Variants in SESTD1 observed in about 807,000 individuals in gnomAD.
SESTD1 encodes SEC14 domain and spectrin repeat-containing protein 1.
Under a neutral mutation model 101.7 loss-of-function variants are expected in SESTD1, and 43 were observed. That is an observed-to-expected ratio of 0.42 (90% CI 0.33 to 0.55). The LOEUF is 0.55. Among genes scored for constraint, SESTD1 ranks in the 20% least tolerant of loss-of-function variants. The probability of loss-of-function intolerance (pLI) is 0.07; values close to 1 mark genes in which losing one functional copy is unlikely to be tolerated. For synonymous variants in SESTD1, 283 were observed against 286.8 expected (o/e 0.99, Z 0.13); for missense variants, 647 against 815.1 (o/e 0.79, Z 2.51).
intron 16 of SESTD1, 142 bp downstream of exon 16, chr2:179,114,923 A>T: frequency 1.4e-6 from 1 of 722,268 alleles, no homozygotes; most frequent in Non-Finnish European, 2.2e-6. Flanking sequence ...GCAATGTATT[A>T]TATCTAAACA....
rs796993799 is a variant in SESTD1, at chr2:179,263,686, G to T, written c.-26+813C>A. Among the ~76,000 whole-genome samples, 10 of 152,340 alleles carry T rather than the reference G, an allele frequency of 6.6e-5. 1 individual carries two copies. Among genetic ancestry groups the T allele is most frequent in the African/African-American group, 2.4e-4 (10 of 41,574 alleles). On this transcript the variant is annotated intron_variant, in intron 1 of 17. Coordinates refer to ENST00000428443, the MANE Select transcript of SESTD1 (RefSeq NM_178123.5). The stretch of plus-strand genomic sequence containing the variant: ...AAGCACCAAGAAAACCACGGGGGCT[G>T]TCAGAGCAACAGCCAAGTCCAAACC...
At chr2:179,159,742 A>G (rs903544934) in intron 5 of SESTD1, among the ~76,000 whole-genome samples, 12 of 152,232 alleles carry the variant, frequency 7.9e-5, no homozygotes, top group Non-Finnish European at 1.6e-4. Flanking sequence ...TTCCATAGAT[A>G]GCAAACCTAT....
At chr2:179,161,886 G>A (rs2045743140) in intron 5 of SESTD1, among the ~76,000 whole-genome samples, 3 of 152,190 alleles carry the variant, frequency 2.0e-5, no homozygotes, top group South Asian at 2.1e-4. Context: ...CAAAAATGAA[G>A]AACCAAATTT....
intron 2 of SESTD1, among the ~76,000 whole-genome samples, chr2:179,189,010 A>G (rs62177289): frequency 0.055 from 8,415 of 152,268 alleles, 319 homozygotes; most frequent in South Asian, 0.14. Context: ...TACAGAGAAG[A>G]GCTAGTACCA....
intron 2 of SESTD1, among the ~76,000 whole-genome samples, chr2:179,185,454 G>C (rs2046197267): frequency 7.1e-6 from 1 of 140,278 alleles, no homozygotes; most frequent in Non-Finnish European, 1.5e-5. Context: ...GTAATATATA[G>C]TATATGATAT....
Position 179,109,586 on chromosome 2 carries a change from T to G in SESTD1, c.*313A>C. The stretch of plus-strand genomic sequence containing the variant: ...TTAATAGAGAGAATTCCTACTCTTA[T>G]TAGCACCATTCAAAGCTTATTATCA... On this transcript the variant is annotated 3_prime_UTR_variant, in exon 18 of 18. Transcript: ENST00000428443. 2 of 419,662 alleles carry G rather than the reference T, an allele frequency of 4.8e-6. No homozygotes were observed. Among genetic ancestry groups the G allele is most frequent in the Non-Finnish European group, 8.4e-6 (2 of 238,138 alleles). 26.0% of individuals were successfully genotyped at this position (419,662 alleles called of 1,614,324 possible).
intron 5 of SESTD1, among the ~76,000 whole-genome samples, chr2:179,162,993 A>C (rs1280864085): frequency 6.6e-6 from 1 of 151,032 alleles, no homozygotes; most frequent in Non-Finnish European, 1.5e-5. Flanking sequence ...TCCGTCTCAA[A>C]AAAAAAAAAA....
chr2:179,258,183 T>C (rs1174444457), intron 1 of SESTD1, among the ~76,000 whole-genome samples: 3 of 152,250 alleles, frequency 2.0e-5, no homozygotes, highest in African/African-American at 4.8e-5. Flanking sequence ...GCAACGTCAG[T>C]GAGAATTTAC....
intron 10 of SESTD1, among the ~76,000 whole-genome samples, chr2:179,129,426 T>C (rs974976488): frequency 6.6e-6 from 1 of 152,230 alleles, no homozygotes; most frequent in African/African-American, 2.4e-5. Context: ...TAACTTCTAA[T>C]TACCAATCCT....
chr2:179,201,952 AT>A (rs1559142443), intron 1 of SESTD1, among the ~76,000 whole-genome samples: 4 of 128,878 alleles, frequency 3.1e-5, no homozygotes, highest in Non-Finnish European at 6.5e-5. Flanking sequence ...AATAATAATA[AT>A]AATAAAGAAA....
intron 2 of SESTD1, among the ~76,000 whole-genome samples, chr2:179,189,853 T>G (rs2046294860): frequency 6.6e-6 from 1 of 151,970 alleles, no homozygotes; most frequent in African/African-American, 2.4e-5. Flanking sequence ...AAACTACACC[T>G]AAGCAAAAAG....
At chr2:179,172,062 TC>T in intron 5 of SESTD1, 57 bp downstream of exon 5, 1 of 1,149,284 alleles carries the variant, frequency 8.7e-7, no homozygotes, top group Non-Finnish European at 1.3e-6. Context: ...AAAAATAATT[TC>T]AGTAAAATAC....
intron 1 of SESTD1, among the ~76,000 whole-genome samples, chr2:179,245,953 T>C (rs1281444224): frequency 1.3e-5 from 2 of 151,642 alleles, no homozygotes; most frequent in Admixed American, 6.6e-5. Context: ...ATGGAAAAAA[T>C]AAATCATGTA....
chr2:179,257,030 C>T (rs889215547), intron 1 of SESTD1, among the ~76,000 whole-genome samples: 10 of 151,960 alleles, frequency 6.6e-5, no homozygotes, highest in African/African-American at 1.7e-4. Flanking sequence ...ATGGCTCAAA[C>T]GCTACCACCC....
chr2:179,199,421 T>C (rs910594654), intron 1 of SESTD1, among the ~76,000 whole-genome samples: 49 of 152,106 alleles, frequency 3.2e-4, no homozygotes, highest in Admixed American at 5.9e-4. Flanking sequence ...TTCCAATCAA[T>C]AGAAAAAGAG....
At position 179,229,352 on chromosome 2, in the gene SESTD1, C is replaced by G. The variant is rs147761402; in HGVS notation, c.-26+35147G>C. On this transcript the variant is annotated intron_variant, in intron 1 of 17. Coordinates refer to ENST00000428443, the MANE Select transcript of SESTD1 (RefSeq NM_178123.5). ...CTATCTGCCTTATAGCTTGAAACAT[C>G]AGTTTTCTCCTACCCTTGGGCTGGA... Among the ~76,000 whole-genome samples the G allele has an allele frequency of 3.0e-3, 454 of 152,174 alleles. 5 individuals are homozygous for G. Among genetic ancestry groups the G allele is most frequent in the African/African-American group, 0.011 (437 of 41,524 alleles).
intron 5 of SESTD1, among the ~76,000 whole-genome samples, chr2:179,167,562 AAC>A (rs1229273922): frequency 6.6e-6 from 1 of 152,200 alleles, no homozygotes; most frequent in African/African-American, 2.4e-5. Flanking sequence ...TACCAAATAG[AAC>A]ACACAGAGAT....
At chr2:179,164,453 G>T (rs1454933564) in intron 5 of SESTD1, among the ~76,000 whole-genome samples, 1 of 152,148 alleles carries the variant, frequency 6.6e-6, no homozygotes, top group Admixed American at 6.6e-5. Flanking sequence ...TTGAGGACAA[G>T]ATTAATGCTA....
chr2:179,204,582 C>A (rs1441128143), intron 1 of SESTD1, among the ~76,000 whole-genome samples: 1 of 134,922 alleles, frequency 7.4e-6, no homozygotes, highest in African/African-American at 2.9e-5. Context: ...CAATTTGAAT[C>A]TATGCTCCCA....
Sources: allele counts gnomAD v4.1 joint callset (sites outside exome capture counted in the v4.1 genomes callset), GRCh38; gene constraint gnomAD v4.1.1; transcripts MANE v1.5; gene names NCBI Gene and HGNC (gene_info 2026-07-23, HGNC 2026-07-21).